TBL1X: variants seen among roughly 807,000 people sequenced by gnomAD.
TBL1X encodes F-box-like/WD repeat-containing protein TBL1X.
TBL1X carries 10 observed loss-of-function variants against 50.7 expected under a neutral mutation model. That is an observed-to-expected ratio of 0.20 (90% CI 0.12 to 0.33). The LOEUF is 0.33. Among genes scored for constraint, TBL1X ranks in the 10% least tolerant of loss-of-function variants. The pLI is 1.00. For missense variants in TBL1X, 340 were observed against 504.4 expected (o/e 0.67, Z 3.12); for synonymous variants, 190 against 214.7 (o/e 0.88, Z 1.01).
chrX:9,537,909 G>A (rs908859129), intron 2 of TBL1X, among the ~76,000 whole-genome samples: 2 of 112,349 alleles, frequency 1.8e-5, no homozygotes, highest in African/African-American at 6.5e-5. Flanking sequence ...GACCTGCAGC[G>A]AGTTGTCGGC....
rs1569205608 is a variant in TBL1X, at chrX:9,491,340, T to TATATA, written c.-200-10440_-200-10439insATATA. Among the ~76,000 whole-genome samples the TATATA allele has an allele frequency of 1.2e-3, 31 of 26,092 alleles. No individual in the cohort carries two copies. In the South Asian group the frequency reaches 0.014, roughly 12 times the overall value. 22.7% of individuals were successfully genotyped at this position (26,092 alleles called of 115,157 possible). On this transcript the variant is annotated intron_variant, in intron 1 of 17. Transcript: ENST00000645353. ...TATATATATATATATATATATATATTTTTTTTTTTTTTTTCTTTGAGACAG... is the reference window on the plus strand; with the variant it reads ...TATATATATATATATATATATATATTATATATTTTTTTTTTTTTTCTTTGAGACAG...
intron 2 of TBL1X, among the ~76,000 whole-genome samples, chrX:9,565,046 G>T (rs759036535): frequency 9.1e-6 from 1 of 109,428 alleles, no homozygotes; most frequent in African/African-American, 3.3e-5. Context: ...CGAGGCGGGC[G>T]GGTCACGAGG....
intron 2 of TBL1X, among the ~76,000 whole-genome samples, chrX:9,514,519 G>T (rs1276763128): frequency 3.6e-5 from 4 of 112,038 alleles, no homozygotes; most frequent in Non-Finnish European, 7.5e-5. Flanking sequence ...AGCCCCAGGA[G>T]GGTTCCCCAG....
intron 1 of TBL1X, among the ~76,000 whole-genome samples, chrX:9,467,182 A>AT (rs1482804548): frequency 1.8e-5 from 2 of 112,046 alleles, no homozygotes; most frequent in South Asian, 3.7e-4. Context: ...TAGTTAGAAG[A>AT]TTTTTTTTCA....
intron 2 of TBL1X, among the ~76,000 whole-genome samples, chrX:9,633,706 C>T (rs1209719494): frequency 8.9e-6 from 1 of 112,365 alleles, no homozygotes; most frequent in Non-Finnish European, 1.9e-5. Context: ...CATTGGAGAA[C>T]ACATAGTCTT....
At chrX:9,670,962 A>G (rs542621467) in intron 5 of TBL1X, among the ~76,000 whole-genome samples, 1 of 112,444 alleles carries the variant, frequency 8.9e-6, no homozygotes, top group African/African-American at 3.2e-5. Flanking sequence ...CAAATAATAA[A>G]ATAAGGAAGA....
intron 5 of TBL1X, among the ~76,000 whole-genome samples, chrX:9,674,127 A>T (rs2082976736): frequency 1.8e-5 from 2 of 112,591 alleles, no homozygotes; most frequent in Admixed American, 9.4e-5. Flanking sequence ...ATAACAATAC[A>T]ACAATTAAGA....
At chrX:9,556,984 A>G (rs1284709691) in intron 2 of TBL1X, among the ~76,000 whole-genome samples, 1 of 110,932 alleles carries the variant, frequency 9.0e-6, no homozygotes, top group Non-Finnish European at 1.9e-5. Flanking sequence ...AACCACTCTT[A>G]TGATCCAAGA....
intron 12 of TBL1X, among the ~76,000 whole-genome samples, chrX:9,700,435 A>T (rs1010578493): frequency 8.9e-6 from 1 of 112,109 alleles, no homozygotes; most frequent in Non-Finnish European, 1.9e-5. Context: ...TTTCCTACCC[A>T]GCTGACCCAG....
intron 2 of TBL1X, among the ~76,000 whole-genome samples, chrX:9,550,147 C>T (rs2082263895): frequency 9.0e-6 from 1 of 111,024 alleles, no homozygotes; most frequent in Non-Finnish European, 1.9e-5. Flanking sequence ...GAGGTGTGGG[C>T]CTGGGATCCC....
chrX:9,602,324 G>A (rs2082561285), intron 2 of TBL1X, among the ~76,000 whole-genome samples: 2 of 109,474 alleles, frequency 1.8e-5, no homozygotes, highest in Admixed American at 9.8e-5. Context: ...AATCCTGGCT[G>A]TGTCTTCCAA....
intron 11 of TBL1X, among the ~76,000 whole-genome samples, chrX:9,694,741 C>T (rs1049759500): frequency 2.7e-5 from 3 of 111,049 alleles, no homozygotes; most frequent in Non-Finnish European, 5.7e-5. Flanking sequence ...TGGGAGGCCA[C>T]GGCAGGCAGA....
Position 9,524,463 on chromosome X carries a change from A to G in TBL1X, c.-131+22614A>G, listed in dbSNP as rs190732669. Among the ~76,000 whole-genome samples, 22 of 111,803 alleles carry G rather than the reference A, an allele frequency of 2.0e-4. No individual in the cohort carries two copies. The East Asian group carries it at 5.7e-3, about 29-fold the overall frequency. On this transcript the variant is annotated intron_variant, in intron 2 of 17. Coordinates refer to ENST00000645353, the MANE Select transcript of TBL1X (RefSeq NM_005647.4). ...GCTTCACAGCTCTGGGACCTCAGAT[A>G]CGTGGAATCCTACACTATGTGTCTT...
rs1050587564 is a variant in TBL1X at position 9,697,250 on chromosome X, CT to C, written c.1054-118del. ...CTAGCCCATAAGGCTCACTCTCTAT[CT>C]CTATTGGACAGTGCCGGTTTATAAG... On this transcript the variant is annotated intron_variant, in intron 11 of 17. Transcript: ENST00000645353. 193 of 916,149 alleles carry C rather than the reference CT, an allele frequency of 2.1e-4. 1 individual carries two copies. The highest frequency in any genetic ancestry group is 4.0e-4 in the Admixed American group (13 of 32,563). The allele number at this position is 916,149 out of a possible 1,213,427, so 75.5% of individuals were successfully genotyped here.
chrX:9,646,699 G>GACTAATAGCAGCCTA (rs1380160864), intron 3 of TBL1X, among the ~76,000 whole-genome samples: 19 of 110,891 alleles, frequency 1.7e-4, no homozygotes, highest in African/African-American at 6.2e-4. Context: ...CCAACAGCCT[G>GACTAATAGCAGCCTA]ACTAATAGCA....
At chrX:9,689,044 G>A (rs777690605) in intron 7 of TBL1X, among the ~76,000 whole-genome samples, 2 of 113,602 alleles carry the variant, frequency 1.8e-5, no homozygotes, top group East Asian at 2.8e-4. Context: ...GCGTGCACGC[G>A]TATATGCGTG....
At position 9,604,267 on chromosome X, in the gene TBL1X, C is replaced by T. The variant is rs193016562; in HGVS notation, c.-130-36006C>T. On this transcript the variant is annotated intron_variant, in intron 2 of 17. Coordinates refer to ENST00000645353, the MANE Select transcript of TBL1X (RefSeq NM_005647.4). ...GAATAAAATTAATGTGTAAATGCGGCGGTGCTCCAAGGGCAGTGTTGCGTG... is the reference window on the plus strand; with the variant it reads ...GAATAAAATTAATGTGTAAATGCGGTGGTGCTCCAAGGGCAGTGTTGCGTG... 2.7e-5 allele frequency among the ~76,000 whole-genome samples: 3 copies of T among 111,986 alleles called. No homozygotes were observed. The Admixed American group carries it at 2.8e-4, about 11-fold the overall frequency.
intron 2 of TBL1X, among the ~76,000 whole-genome samples, chrX:9,605,103 A>G (rs2082576495): frequency 9.1e-6 from 1 of 110,171 alleles, no homozygotes; most frequent in Non-Finnish European, 1.9e-5. Context: ...TCACGTGGTA[A>G]ACAGGAGGTA....
intron 2 of TBL1X, chrX:9,637,744 C>T (rs111829562): frequency 9.0e-6 from 1 of 111,341 alleles, no homozygotes; most frequent in Non-Finnish European, 1.9e-5. Context: ...GGTGTCAAAT[C>T]CCCAAGAGCA....
Sources: gnomAD v4.1 joint callset for allele counts (sites outside exome capture counted in the v4.1 genomes callset) on GRCh38, gnomAD v4.1.1 for gene constraint, MANE v1.5 for transcripts, NCBI Gene and HGNC (gene_info 2026-07-23, HGNC 2026-07-21) for gene names.